Variants in FERMT1 observed in about 807,000 individuals in gnomAD.
FERMT1 encodes FERM domain containing kindlin 1.
A neutral mutation model predicts 85.3 loss-of-function variants in FERMT1; 60 were observed. The observed-to-expected ratio is 0.70, with a 90% CI of 0.57 to 0.87. The LOEUF is 0.87. FERMT1 is among the 40% of genes least tolerant of loss of function. FERMT1 has a pLI of 0.00. For synonymous variants in FERMT1, 275 were observed against 301.1 expected (o/e 0.91, Z 0.90); for missense variants, 701 against 818.9 (o/e 0.86, Z 1.76).
rs1236909061 is a variant in FERMT1 at position 6,079,460 on chromosome 20, C to G, written c.1836G>C (p.Trp612Cys). The change falls in exon 14 of 15, where the codon TGG becomes TGC. Residue 612 changes from tryptophan to cysteine, a missense_variant. By Grantham distance (215) the Trp-to-Cys change is radical (BLOSUM62 -2). Coordinates refer to ENST00000217289, the MANE Select transcript of FERMT1 (RefSeq NM_017671.5). The part of the protein sequence containing the change: ...TTWRFTNIKQ[W>C]NVNWETRQVV... The stretch of plus-strand genomic sequence containing the variant: ...CCTGCCGGGTTTCCCAGTTTACATT[C>G]CACTGTTTGATATTTGTGAATCTCC... 6.2e-7 allele frequency: 1 copy of G among 1,614,026 alleles called. No individual in the cohort carries two copies. Among genetic ancestry groups the G allele is most frequent in the African/African-American group, 1.3e-5 (1 of 74,910 alleles).
At chr20:6,084,204 G>T (rs757675749) in intron 12 of FERMT1, 40 bp from the exon 13 acceptor site, 62 of 1,584,162 alleles carry the variant, frequency 3.9e-5, no homozygotes, top group Non-Finnish European at 5.1e-5. Flanking sequence ...CACATGCACC[G>T]GCTGCTCTGT....
chr20:6,083,917 A>C, intron 13 of FERMT1, 123 bp downstream of exon 13: 1 of 1,152,792 alleles, frequency 8.7e-7, no homozygotes, highest in Non-Finnish European at 1.3e-6. Context: ...ACTATTTATA[A>C]AAGGGCAATA....
intron 14 of FERMT1, 142 bp from the exon 15 acceptor site, chr20:6,077,488 T>C (rs1442940930): frequency 1.3e-6 from 1 of 779,988 alleles, no homozygotes; most frequent in African/African-American, 1.7e-5. Context: ...CAGAAAACCA[T>C]CACTTCCATT....
In FERMT1 at chr20:6,075,183, A is replaced by G. The variant is rs567183901; in HGVS notation, c.*1990T>C. Reference sequence around the variant, plus strand: ...AGTTGGTTCCTTTGTTTTCATGGAAATGTCAGACAACTATGAAAAGCTAAG... The same window carrying G: ...AGTTGGTTCCTTTGTTTTCATGGAAGTGTCAGACAACTATGAAAAGCTAAG... On this transcript the variant is annotated 3_prime_UTR_variant, in exon 15 of 15. Coordinates refer to ENST00000217289, the MANE Select transcript of FERMT1 (RefSeq NM_017671.5). 6.6e-6 allele frequency: 1 copy of G among 152,412 alleles called. No homozygotes were observed. Among genetic ancestry groups the G allele is most frequent in the South Asian group, 2.1e-4 (1 of 4,824 alleles). The allele number at this position is 152,412 out of a possible 1,614,324, so 9.4% of individuals were successfully genotyped here. A position where few individuals can be genotyped will look rare whatever the true frequency, so the allele number is the denominator to read the frequency against.
chr20:6,120,609 A>C (rs1193326245), intron 1 of FERMT1: 1 of 152,262 alleles, frequency 6.6e-6, no homozygotes, highest in Non-Finnish European at 1.5e-5. Flanking sequence ...ATTTAAAGTA[A>C]AAATTATTTA....
Position 6,075,486 on chromosome 20 carries a change from T to C in FERMT1, c.*1687A>G, listed in dbSNP as rs932738873. The stretch of plus-strand genomic sequence containing the variant: ...CAGATTTTCCAAATGCCTAAACCAC[T>C]TCTGAGCTTTAAGCAAGGCCTCAGA... On this transcript the variant is annotated 3_prime_UTR_variant, in exon 15 of 15. Transcript: ENST00000217289. 2.6e-5 allele frequency: 4 copies of C among 152,480 alleles called. No homozygotes were observed. The highest frequency in any genetic ancestry group is 6.5e-5 in the Admixed American group (1 of 15,304). 9.4% of individuals were successfully genotyped at this position (152,480 alleles called of 1,614,324 possible).
chr20:6,102,957 G>GT (rs1982701028), intron 6 of FERMT1, among the ~76,000 whole-genome samples: 1 of 152,096 alleles, frequency 6.6e-6, no homozygotes, highest in South Asian at 2.1e-4. Flanking sequence ...GCAGCTTTCA[G>GT]TATCTTCCAA....
chr20:6,119,112 T>A (rs1251223899), intron 2 of FERMT1, among the ~76,000 whole-genome samples: 4 of 152,124 alleles, frequency 2.6e-5, no homozygotes, highest in Non-Finnish European at 4.4e-5. Flanking sequence ...CACGCCAGGC[T>A]AATTTTTGTG....
intron 8 of FERMT1, among the ~76,000 whole-genome samples, chr20:6,095,296 T>G (rs1160417204): frequency 6.6e-6 from 1 of 152,182 alleles, no homozygotes; most frequent in East Asian, 1.9e-4. Context: ...TACTAATTTG[T>G]TAAGCTGTAC....
At chr20:6,113,422 C>T (rs1983013971) in intron 3 of FERMT1, among the ~76,000 whole-genome samples, 2 of 152,134 alleles carry the variant, frequency 1.3e-5, no homozygotes, top group Non-Finnish European at 2.9e-5. Context: ...CAACAAAGGT[C>T]CTGCTTCCTT....
chr20:6,101,067 G>A (rs6516100), intron 6 of FERMT1, among the ~76,000 whole-genome samples: 14,056 of 152,166 alleles, frequency 0.092, 696 homozygotes, highest in African/African-American at 0.12. Context: ...GAATTCAAAC[G>A]AAAACAAGAT....
At chr20:6,098,179 TTC>T (rs948183910) in intron 6 of FERMT1, among the ~76,000 whole-genome samples, 1 of 152,170 alleles carries the variant, frequency 6.6e-6, no homozygotes, top group African/African-American at 2.4e-5. Flanking sequence ...TTCCATTATT[TTC>T]TCTCTCTTTT....
At chr20:6,116,896 C>A (rs980662486) in intron 2 of FERMT1, among the ~76,000 whole-genome samples, 1 of 152,182 alleles carries the variant, frequency 6.6e-6, no homozygotes, top group Non-Finnish European at 1.5e-5. Flanking sequence ...TTTGTTTAAT[C>A]AAGATTATTT....
At chr20:6,110,960 G>A (rs149224812) in intron 4 of FERMT1, among the ~76,000 whole-genome samples, 109 of 152,126 alleles carry the variant, frequency 7.2e-4, no homozygotes, top group African/African-American at 2.3e-3. Context: ...TTTTTTAGAC[G>A]GAGTCTCACT....
At chr20:6,087,399 A>C (rs879267809) in intron 11 of FERMT1, among the ~76,000 whole-genome samples, 4 of 152,128 alleles carry the variant, frequency 2.6e-5, no homozygotes, top group Non-Finnish European at 4.4e-5. Context: ...CAAACTCTGC[A>C]TCCTGGGTTC....
chr20:6,114,204 A>G (rs1478047570), intron 3 of FERMT1, among the ~76,000 whole-genome samples: 1 of 152,232 alleles, frequency 6.6e-6, no homozygotes, highest in Non-Finnish European at 1.5e-5. Context: ...TAATTTATAC[A>G]CAAACTCGGT....
intron 6 of FERMT1, among the ~76,000 whole-genome samples, chr20:6,105,315 G>A (rs1268018382): frequency 6.6e-6 from 1 of 152,070 alleles, no homozygotes; most frequent in Non-Finnish European, 1.5e-5. Flanking sequence ...CTGATTCTGG[G>A]GTTCTCAGAC....
intron 2 of FERMT1, 25 bp downstream of exon 2, chr20:6,119,379 A>T: frequency 6.2e-7 from 1 of 1,612,874 alleles, no homozygotes; most frequent in Non-Finnish European, 8.5e-7. Flanking sequence ...TAATACAGAG[A>T]AACCGTAAAG....
At chr20:6,097,458 T>A (rs547251044) in intron 7 of FERMT1, 66 bp downstream of exon 7, 1 of 1,116,652 alleles carries the variant, frequency 9.0e-7, no homozygotes, top group East Asian at 2.3e-5. Flanking sequence ...ATGAAGCATA[T>A]GAAACTTCAA....
Sources: gnomAD v4.1 joint callset for allele counts (sites outside exome capture counted in the v4.1 genomes callset) on GRCh38, gnomAD v4.1.1 for gene constraint, MANE v1.5 for transcripts, NCBI Gene and HGNC (gene_info 2026-07-23, HGNC 2026-07-21) for gene names.